UGP2: variants seen among roughly 807,000 people sequenced by gnomAD.
UGP2 encodes the protein UTP--glucose-1-phosphate uridylyltransferase.
UGP2 carries 40 observed loss-of-function variants against 49.0 expected under a neutral mutation model. That is an observed-to-expected ratio of 0.82 (90% CI 0.63 to 1.06). UGP2 has a LOEUF of 1.06. UGP2 is among the 50% of genes least tolerant of loss of function. UGP2 has a pLI of 0.00. For synonymous variants in UGP2, 225 were observed against 213.0 expected, an observed-to-expected ratio of 1.06 and a Z score of -0.49; for missense variants, 460 against 603.5, an observed-to-expected ratio of 0.76 and a Z score of 2.49.
In UGP2 at chr2:63,855,330, C is replaced by T. The variant is rs1439448288; in HGVS notation, c.20-976C>T. On this transcript the variant is annotated intron_variant, in intron 1 of 9. Coordinates refer to ENST00000337130, the MANE Select transcript of UGP2 (RefSeq NM_006759.4). ...AGTTATCAAACTATTTGAATAGAAA[C>T]TTTACAAATACATTTTTAAAATAAG... The T allele has an allele frequency of 1.3e-5, 5 of 393,534 alleles. No homozygotes were observed. In the Admixed American group the frequency reaches 1.4e-4, roughly 11 times the overall value. The allele number at this position is 393,534 out of a possible 1,614,324, so 24.4% of individuals were successfully genotyped here.
At chr2:63,856,159 A>G in intron 1 of UGP2, 147 bp from the exon 2 acceptor site, 1 of 924,458 alleles carries the variant, frequency 1.1e-6, no homozygotes, top group Non-Finnish European at 1.6e-6. Context: ...TAACTAGTTG[A>G]CACCACTGAA....
chr2:63,862,172 T>C (rs528905528), intron 3 of UGP2, among the ~76,000 whole-genome samples: 2 of 152,210 alleles, frequency 1.3e-5, no homozygotes, highest in East Asian at 1.9e-4. Flanking sequence ...GAGACTTGTT[T>C]TGTGTGTATG....
At position 63,887,434 on chromosome 2, in the gene UGP2, A is replaced by G; in HGVS notation, c.1104A>G (p.Leu368=). 6.2e-7 allele frequency: 1 copy of G among 1,614,122 alleles called. No individual in the cohort carries two copies. Among genetic ancestry groups the G allele is most frequent in the Non-Finnish European group, 8.5e-7 (1 of 1,180,018 alleles). Residue 368 remains leucine (L), a synonymous_variant, in exon 8 of 10, where the codon TTA becomes TTG. Transcript: ENST00000337130. The part of the protein sequence containing the change: ...TLDGGLNVIQ[L]ETAVGAAIKS... ...ATGGAGGCCTGAATGTCATTCAATT[A>G]GAAACTGCAGTAGGGGCTGCCATCA...
At chr2:63,882,796 G>A in intron 4 of UGP2, 145 bp downstream of exon 4, 3 of 895,610 alleles carry the variant, frequency 3.3e-6, no homozygotes, top group Non-Finnish European at 4.6e-6. Context: ...TGGAAAAAAG[G>A]TTTAGTGTTC....
chr2:63,861,935 T>C (rs1669879726), intron 3 of UGP2, among the ~76,000 whole-genome samples: 1 of 152,098 alleles, frequency 6.6e-6, no homozygotes, highest in Non-Finnish European at 1.5e-5. Context: ...TGTTTATTTA[T>C]AAGGAAGTCT....
Position 63,880,746 on chromosome 2 carries a change from C to T in UGP2, c.256-1720C>T, listed in dbSNP as rs80065407. Among the ~76,000 whole-genome samples, 4 of 152,254 alleles carry T rather than the reference C, an allele frequency of 2.6e-5. No individual in the cohort carries two copies. In the East Asian group the frequency reaches 5.8e-4, roughly 22 times the overall value. On this transcript the variant is annotated intron_variant, in intron 3 of 9. Transcript: ENST00000337130. ...GGGGGTCAAGTTGTTATCACCCCTG[C>T]GTTGTCCTCACCTGGACCACATGCT...
intron 3 of UGP2, among the ~76,000 whole-genome samples, chr2:63,870,742 T>G (rs1428425974): frequency 6.6e-6 from 1 of 152,218 alleles, no homozygotes; most frequent in East Asian, 1.9e-4. Flanking sequence ...CCTGTTCGTT[T>G]AAAGATGATG....
chr2:63,888,230 A>ATACTAGT, intron 8 of UGP2: 1 of 154,200 alleles, frequency 6.5e-6, no homozygotes, highest in South Asian at 2.0e-4. Flanking sequence ...GAGTCTGACA[A>ATACTAGT]ATCGGTATCT....
intron 4 of UGP2, among the ~76,000 whole-genome samples, chr2:63,882,959 A>G (rs1047602630): frequency 6.6e-6 from 1 of 152,130 alleles, no homozygotes; most frequent in African/African-American, 2.4e-5. Context: ...GGCTGGGATG[A>G]TCTTGCTTTA....
intron 9 of UGP2, 33 bp downstream of exon 9, chr2:63,890,218 C>T: frequency 2.0e-6 from 3 of 1,505,876 alleles, no homozygotes. Context: ...ATATTTCTTA[C>T]AGCTTACAAT....
At chr2:63,865,043 C>T (rs1206232445) in intron 3 of UGP2, among the ~76,000 whole-genome samples, 1 of 152,176 alleles carries the variant, frequency 6.6e-6, no homozygotes, top group Non-Finnish European at 1.5e-5. Flanking sequence ...GTCACATCTC[C>T]CTGTCTGAAG....
chr2:63,875,812 G>T (rs557711732), intron 3 of UGP2, among the ~76,000 whole-genome samples: 2 of 152,294 alleles, frequency 1.3e-5, no homozygotes, highest in East Asian at 1.9e-4. Flanking sequence ...CTGTTTAGTT[G>T]CAGTAGAGGT....
chr2:63,882,551 A>G lies in UGP2; in HGVS notation c.341A>G (p.Asn114Ser), dbSNP rs771143668. ...VLNKLVVVKL[N>S]GGLGTSMGCK... ...AACAAACTAGTGGTGGTGAAACTCA[A>G]TGGTGGTTTGGGAACCAGCATGGGC... The change falls in exon 4 of 10, where the codon AAT (asparagine) becomes AGT (serine). Residue 114 changes from asparagine (N) to serine (S), a missense_variant. Physicochemically the swap from Asn to Ser is conservative, Grantham distance 46. This residue lies in a region of UGP2 where 143 missense variants were observed against 130.4 expected (regional missense o/e 1.10). Transcript: ENST00000337130. The G allele has an allele frequency of 7.4e-6, 12 of 1,613,336 alleles. No homozygotes were observed. Among genetic ancestry groups the G allele is most frequent in the African/African-American group, 1.3e-5 (1 of 74,940 alleles).
intron 4 of UGP2, among the ~76,000 whole-genome samples, chr2:63,883,017 G>T (rs1436015666): frequency 6.6e-6 from 1 of 152,164 alleles, no homozygotes; most frequent in African/African-American, 2.4e-5. Context: ...GTATTTGGCT[G>T]CAGGTCATGC....
intron 3 of UGP2, among the ~76,000 whole-genome samples, chr2:63,866,379 T>A (rs944701332): frequency 7.9e-5 from 12 of 152,234 alleles, no homozygotes; most frequent in African/African-American, 2.7e-4. Flanking sequence ...ATTTTTAAAA[T>A]TAACTGACTA....
Position 63,890,117 on chromosome 2 carries a change from G to C in UGP2, c.1351G>C (p.Asp451His). Residue 451 changes from aspartate to histidine, a missense_variant, in exon 9 of 10, where the codon GAT (aspartate) becomes CAT (histidine). Transcript: ENST00000337130. ...TCTAAGAAGATTTGAAAGTATACCA[G>C]ATATGCTTGAATTGGATCACCTCAC... ...DYLRRFESIP[D>H]MLELDHLTVS... 6 of 1,611,932 alleles carry C rather than the reference G, an allele frequency of 3.7e-6. No individual in the cohort carries two copies. Among genetic ancestry groups the C allele is most frequent in the Non-Finnish European group, 5.1e-6 (6 of 1,179,370 alleles).
chr2:63,878,587 C>A (rs539741894), intron 3 of UGP2, among the ~76,000 whole-genome samples: 4 of 152,290 alleles, frequency 2.6e-5, no homozygotes, highest in Admixed American at 2.0e-4. Context: ...ACCTAGGACT[C>A]AGAACGTGGG....
intron 3 of UGP2, among the ~76,000 whole-genome samples, chr2:63,873,585 T>C (rs933531727): frequency 6.6e-6 from 1 of 151,972 alleles, no homozygotes; most frequent in African/African-American, 2.4e-5. Flanking sequence ...TTAGCTGAGA[T>C]GTGGAAGAGA....
intron 3 of UGP2, among the ~76,000 whole-genome samples, chr2:63,866,276 G>A (rs1323981829): frequency 6.6e-6 from 1 of 152,210 alleles, no homozygotes. Flanking sequence ...TATAAATAAG[G>A]AAAAGACCCT....
Sources: allele counts gnomAD v4.1 joint callset (sites outside exome capture counted in the v4.1 genomes callset), GRCh38; gene constraint gnomAD v4.1.1; regional missense constraint gnomAD v4.1.1; transcripts MANE v1.5; gene names NCBI Gene and HGNC (gene_info 2026-07-23, HGNC 2026-07-21).